Variants in SMYD3 observed in about 807,000 individuals in gnomAD.
The protein encoded by SMYD3 is SET and MYND domain containing 3.
SMYD3 carries 36 observed loss-of-function variants against 57.7 expected under a neutral mutation model. The ratio of observed to expected loss-of-function variants is 0.62; its 90% CI spans 0.48 to 0.82. SMYD3 has a LOEUF of 0.82. Ranked by LOEUF, SMYD3 falls within the 40% of genes least tolerant of loss-of-function variation. The pLI, the probability that SMYD3 is intolerant of heterozygous loss-of-function variation, is 0.00. For synonymous variants in SMYD3, 211 were observed against 195.0 expected, an observed-to-expected ratio of 1.08 and a Z score of -0.68; for missense variants, 515 against 538.8, an observed-to-expected ratio of 0.96 and a Z score of 0.44.
At chr1:246,401,360 G>GTC (rs900566012) in intron 1 of SMYD3, among the ~76,000 whole-genome samples, 16 of 151,816 alleles carry the variant, frequency 1.1e-4, no homozygotes, top group African/African-American at 3.9e-4. Context: ...TTGAGACACA[G>GTC]TCTTGCTCTG....
intron 5 of SMYD3, among the ~76,000 whole-genome samples, chr1:246,018,588 C>T (rs1218787725): frequency 6.6e-6 from 1 of 152,132 alleles, no homozygotes; most frequent in Non-Finnish European, 1.5e-5. Context: ...TACCTATACA[C>T]ACCTCATTGA....
chr1:246,327,840 C>G (rs2065380763), intron 4 of SMYD3, among the ~76,000 whole-genome samples: 1 of 152,156 alleles, frequency 6.6e-6, no homozygotes. Flanking sequence ...GCTAGTACAT[C>G]ATGAATAGAA....
chr1:246,467,741 A>G (rs2067900594), intron 1 of SMYD3, among the ~76,000 whole-genome samples: 1 of 152,214 alleles, frequency 6.6e-6, no homozygotes, highest in Non-Finnish European at 1.5e-5. Flanking sequence ...AGAGGAGGGA[A>G]TACTTCCAAA....
At position 246,355,226 on chromosome 1, in the gene SMYD3, G is replaced by T; in HGVS notation, c.165-132C>A. 2 of 834,372 alleles carry T rather than the reference G, an allele frequency of 2.4e-6. No homozygotes were observed. Among genetic ancestry groups the T allele is most frequent in the Non-Finnish European group, 1.9e-6 (1 of 528,686 alleles). 51.7% of individuals were successfully genotyped at this position (834,372 alleles called of 1,614,324 possible). A position where few individuals can be genotyped will look rare whatever the true frequency, so the allele number is the denominator to read the frequency against. ...TACTCCATTATGTACAGTCCCTTAA[G>T]ATTTGGATTTTCACACTGATGAGCC... is the stretch of plus-strand genomic sequence containing the variant. On this transcript the variant is annotated intron_variant, in intron 1 of 11. Coordinates refer to ENST00000490107, the MANE Select transcript of SMYD3 (RefSeq NM_001167740.2). The surrounding 1 kb of genome is among the most constrained non-coding windows in gnomAD (Gnocchi z 5.0).
chr1:246,420,042 T>C (rs1161484839), intron 1 of SMYD3, among the ~76,000 whole-genome samples: 1 of 152,054 alleles, frequency 6.6e-6, no homozygotes, highest in African/African-American at 2.4e-5. Flanking sequence ...CTATTAAAAA[T>C]ATAAAAATTA....
intron 5 of SMYD3, among the ~76,000 whole-genome samples, chr1:246,080,167 C>G (rs2060614187): frequency 7.0e-6 from 1 of 142,270 alleles, no homozygotes; most frequent in South Asian, 2.1e-4. Context: ...CAGGGGTCCC[C>G]AGGGCTGCGG....
intron 8 of SMYD3, among the ~76,000 whole-genome samples, chr1:245,883,567 A>C (rs757178556): frequency 6.6e-6 from 1 of 152,112 alleles, no homozygotes; most frequent in African/African-American, 2.4e-5. Flanking sequence ...CTGTATAATA[A>C]TTTCTTTCTT....
intron 1 of SMYD3, among the ~76,000 whole-genome samples, chr1:246,487,339 C>A: frequency 6.6e-6 from 1 of 151,826 alleles, no homozygotes; most frequent in East Asian, 1.9e-4. Context: ...CCCAGCTACT[C>A]GTCCCAGCTA....
intron 8 of SMYD3, among the ~76,000 whole-genome samples, chr1:245,893,858 A>G (rs544868836): frequency 2.0e-4 from 31 of 152,360 alleles, no homozygotes; most frequent in African/African-American, 7.2e-4. Context: ...ATTACACTCC[A>G]ATTCTTTAAA....
chr1:245,999,943 GGCTAGT>G (rs2059008740), intron 5 of SMYD3, among the ~76,000 whole-genome samples: 1 of 152,134 alleles, frequency 6.6e-6, no homozygotes, highest in African/African-American at 2.4e-5. Context: ...GGAACATGCT[GGCTAGT>G]TCACTCAACG....
chr1:246,080,266 G>C (rs12064108), intron 5 of SMYD3, among the ~76,000 whole-genome samples: 2 of 130,346 alleles, frequency 1.5e-5, no homozygotes, highest in African/African-American at 6.2e-5. Flanking sequence ...GGAGCTCAGA[G>C]CAGTGGCAGC....
intron 5 of SMYD3, among the ~76,000 whole-genome samples, chr1:246,083,102 G>C (rs2787956): frequency 6.6e-6 from 1 of 150,648 alleles, no homozygotes; most frequent in Non-Finnish European, 1.5e-5. Flanking sequence ...CCCGACACCC[G>C]TAAAGGGTCT....
At position 246,122,992 on chromosome 1, in the gene SMYD3, T is replaced by A. The variant is rs562769752; in HGVS notation, c.532-193055A>T. 2.2e-4 allele frequency among the ~76,000 whole-genome samples: 33 copies of A among 152,254 alleles called. 1 individual carries two copies. In the South Asian group the frequency reaches 5.4e-3, roughly 25 times the overall value. ...TTTTTTGATTTTACTTTGATTTCCG[T>A]GAAACACTCTCTATAATACCTTATA... On this transcript the variant is annotated intron_variant, in intron 5 of 11. Transcript: ENST00000490107.
chr1:246,132,103 G>A lies in SMYD3; in HGVS notation c.531+195098C>T, dbSNP rs566334103. 1.0e-4 allele frequency among the ~76,000 whole-genome samples: 15 copies of A among 150,346 alleles called. No individual in the cohort carries two copies. In the East Asian group the frequency reaches 1.9e-3, roughly 19 times the overall value. Reference sequence around the variant, plus strand: ...GACAATTCTACTAAACATGCCCATCGGCGACTTGGCTGAGATCATAAAAGG... The same window carrying A: ...GACAATTCTACTAAACATGCCCATCAGCGACTTGGCTGAGATCATAAAAGG... On this transcript the variant is annotated intron_variant, in intron 5 of 11. Coordinates refer to ENST00000490107, the MANE Select transcript of SMYD3 (RefSeq NM_001167740.2).
intron 1 of SMYD3, among the ~76,000 whole-genome samples, chr1:246,396,989 A>G (rs1370121663): frequency 2.6e-5 from 4 of 152,258 alleles, no homozygotes; most frequent in Non-Finnish European, 5.9e-5. Flanking sequence ...AAGATACTAA[A>G]GGAGTGTGTC....
intron 5 of SMYD3, among the ~76,000 whole-genome samples, chr1:245,996,204 C>G (rs1364549175): frequency 6.6e-6 from 1 of 152,188 alleles, no homozygotes; most frequent in East Asian, 1.9e-4. Context: ...AGAGCATTGG[C>G]AGGGCATAAA....
At chr1:246,008,988 C>A (rs2059228256) in intron 5 of SMYD3, among the ~76,000 whole-genome samples, 1 of 152,148 alleles carries the variant, frequency 6.6e-6, no homozygotes, top group Admixed American at 6.5e-5. Context: ...AGCAGCGTGG[C>A]CTTGGGCAAG....
intron 5 of SMYD3, among the ~76,000 whole-genome samples, chr1:245,957,050 G>A (rs982551711): frequency 3.9e-5 from 6 of 152,176 alleles, no homozygotes; most frequent in African/African-American, 1.4e-4. Flanking sequence ...TGCAATGTAA[G>A]ACAAATTATA....
At chr1:246,189,991 G>A (rs1430584140) in intron 5 of SMYD3, among the ~76,000 whole-genome samples, 3 of 152,180 alleles carry the variant, frequency 2.0e-5, no homozygotes, top group African/African-American at 7.2e-5. Context: ...GGCAGGATTT[G>A]TTTTTGTGGA....
Sources: gnomAD v4.1 joint callset for allele counts (sites outside exome capture counted in the v4.1 genomes callset) on GRCh38, gnomAD v4.1.1 for gene constraint, Gnocchi (gnomAD v3.1) non-coding constraint, MANE v1.5 for transcripts, NCBI Gene and HGNC (gene_info 2026-07-23, HGNC 2026-07-21) for gene names.